Variants in DGLUCY observed in about 807,000 individuals in gnomAD.
DGLUCY encodes the protein D-glutamate cyclase.
DGLUCY carries 58 observed loss-of-function variants against 58.5 expected under a neutral mutation model. That is an observed-to-expected ratio of 0.99 (90% CI 0.80 to 1.23). The LOEUF (loss-of-function observed/expected upper bound fraction) is 1.23. DGLUCY is among the 50% of genes most tolerant of loss of function. The pLI is 0.00. For synonymous variants in DGLUCY, 325 were observed against 314.1 expected, an observed-to-expected ratio of 1.03 and a Z score of -0.37; for missense variants, 779 against 784.7, an observed-to-expected ratio of 0.99 and a Z score of 0.09.
chr14:91,153,434 C>T (rs111232115), intron 1 of DGLUCY, among the ~76,000 whole-genome samples: 3 of 152,196 alleles, frequency 2.0e-5, no homozygotes, highest in African/African-American at 7.2e-5. Context: ...CCGCCCACCT[C>T]GGCCTCTCAA....
intron 11 of DGLUCY, among the ~76,000 whole-genome samples, chr14:91,202,147 T>C (rs1242416738): frequency 6.6e-6 from 1 of 152,032 alleles, no homozygotes; most frequent in Non-Finnish European, 1.5e-5. Flanking sequence ...TTCATTGTAG[T>C]GTTTAAGCTT....
intron 1 of DGLUCY, among the ~76,000 whole-genome samples, chr14:91,097,847 C>T (rs989949211): frequency 3.9e-5 from 6 of 152,072 alleles, no homozygotes; most frequent in African/African-American, 1.4e-4. Flanking sequence ...CTAATTTTGC[C>T]TCCTCCTCCA....
chr14:91,077,367 GAGGAAGGAAGGAAAGGA>G (rs1566931965), intron 1 of DGLUCY, among the ~76,000 whole-genome samples: 18 of 148,906 alleles, frequency 1.2e-4, no homozygotes, highest in Non-Finnish European at 3.0e-5. Flanking sequence ...GGAAGGGAGG[GAGGAAGGAAGGAAAGGA>G]AGGAAGGAAG....
chr14:91,174,078 G>A (rs1022078956), intron 6 of DGLUCY, among the ~76,000 whole-genome samples: 3 of 151,960 alleles, frequency 2.0e-5, no homozygotes, highest in Admixed American at 2.0e-4. Context: ...AGGTCAAGCT[G>A]ATTACCCACG....
intron 1 of DGLUCY, among the ~76,000 whole-genome samples, chr14:91,119,098 G>A (rs888513663): frequency 1.4e-4 from 22 of 152,138 alleles, no homozygotes; most frequent in African/African-American, 5.3e-4. Flanking sequence ...TGCTCAAAAA[G>A]GGTAGAAGAT....
chr14:91,094,280 GA>G (rs1350670195), intron 1 of DGLUCY, among the ~76,000 whole-genome samples: 1 of 151,438 alleles, frequency 6.6e-6, no homozygotes, highest in Admixed American at 6.6e-5. Context: ...ACTAAAAATA[GA>G]AAAATTAGCC....
In DGLUCY at chr14:91,206,536, C is replaced by G. The variant is rs1266191723; in HGVS notation, c.1564+1711C>G. Among the ~76,000 whole-genome samples the G allele has an allele frequency of 3.9e-5, 6 of 152,110 alleles. 1 individual carries two copies. The highest frequency in any genetic ancestry group is 3.3e-4 in the Admixed American group (5 of 15,266). ...TAGCTGGAATTACAGGTGCGCACTA[C>G]CATGCCTGGATAATTTTTGTGTTTT... On this transcript the variant is annotated intron_variant, in intron 12 of 13. Coordinates refer to ENST00000256324, the MANE Select transcript of DGLUCY (RefSeq NM_001102368.3).
chr14:91,140,190 C>T (rs1316263198), intron 1 of DGLUCY, among the ~76,000 whole-genome samples: 2 of 152,126 alleles, frequency 1.3e-5, no homozygotes, highest in African/African-American at 4.8e-5. Flanking sequence ...TGTTGTTTCT[C>T]CTCTTCCCTT....
chr14:91,062,602 TATATATATAA>T (rs1436807982), intron 1 of DGLUCY, among the ~76,000 whole-genome samples: 1,045 of 34,076 alleles, frequency 0.031, 104 homozygotes, highest in South Asian at 0.048. Context: ...TATATATATA[TATATATATAA>T]ACAATCCTTA....
chr14:91,188,304 C>G (rs543557972), intron 8 of DGLUCY, among the ~76,000 whole-genome samples: 2 of 152,102 alleles, frequency 1.3e-5, no homozygotes, highest in African/African-American at 2.4e-5. Flanking sequence ...AGGTGGCATG[C>G]GTCACTTCCA....
chr14:91,066,947 G>A (rs957931460), intron 1 of DGLUCY, among the ~76,000 whole-genome samples: 5 of 151,852 alleles, frequency 3.3e-5, no homozygotes, highest in Non-Finnish European at 5.9e-5. Flanking sequence ...CGTGCATGGT[G>A]GCGGGCGCCA....
chr14:91,102,090 T>A (rs975743878), intron 1 of DGLUCY, among the ~76,000 whole-genome samples: 3 of 152,168 alleles, frequency 2.0e-5, no homozygotes, highest in Non-Finnish European at 4.4e-5. Context: ...TCAGTTACCT[T>A]GATTTGACTA....
intron 1 of DGLUCY, among the ~76,000 whole-genome samples, chr14:91,149,019 G>A (rs575960657): frequency 1.1e-4 from 17 of 152,098 alleles, no homozygotes; most frequent in South Asian, 2.1e-4. Context: ...AGGCCGAGGC[G>A]GGTGGATCAC....
At chr14:91,161,560 A>G (rs1227689774) in intron 3 of DGLUCY, among the ~76,000 whole-genome samples, 2 of 152,176 alleles carry the variant, frequency 1.3e-5, no homozygotes, top group African/African-American at 4.8e-5. Context: ...TTTCTTCTCC[A>G]TGAAGCCTCT....
rs370359775 is a variant in DGLUCY, at chr14:91,083,477, G to A, written c.-82+22773G>A. Among the ~76,000 whole-genome samples the A allele has an allele frequency of 4.6e-4, 68 of 149,342 alleles. 2 individuals are homozygous for A. Among genetic ancestry groups the A allele is most frequent in the Admixed American group, 4.3e-3 (64 of 14,878 alleles). On this transcript the variant is annotated intron_variant, in intron 1 of 4. Transcript: ENST00000521334. ...GCAGGGTTTGCAGTGAGCTGAGATC[G>A]TGCCACTCCACTCCAAGCCTGGGTG... is the stretch of plus-strand genomic sequence containing the variant.
At chr14:91,157,293 A>G (rs534280563) in intron 1 of DGLUCY, among the ~76,000 whole-genome samples, 3,950 of 126,982 alleles carry the variant, frequency 0.031, 81 homozygotes, top group Middle Eastern at 0.044. Flanking sequence ...GTGGGTGGAT[A>G]GATGGATGGA....
At chr14:91,142,601 A>G (rs1247242771) in intron 1 of DGLUCY, among the ~76,000 whole-genome samples, 1 of 152,106 alleles carries the variant, frequency 6.6e-6, no homozygotes, top group Non-Finnish European at 1.5e-5. Context: ...CTGAAGAGGT[A>G]TAACATTGCC....
rs142207910 is a variant in DGLUCY, at chr14:91,205,194, C to T, written c.1564+369C>T. Among the ~76,000 whole-genome samples, 1,508 of 152,292 alleles carry T rather than the reference C, an allele frequency of 9.9e-3. 20 individuals are homozygous for T. The highest frequency in any genetic ancestry group is 0.033 in the African/African-American group (1,386 of 41,560). The stretch of plus-strand genomic sequence containing the variant: ...AGAGAGGGTGATGGGAGGGCCCCTT[C>T]AGATCAGTGGTCAGGAAGGCTTTTC... On this transcript the variant is annotated intron_variant, in intron 12 of 13. Transcript: ENST00000256324.
intron 4 of DGLUCY, among the ~76,000 whole-genome samples, chr14:91,169,163 C>T (rs1043151028): frequency 6.6e-6 from 1 of 152,024 alleles, no homozygotes; most frequent in East Asian, 1.9e-4. Context: ...TTACTCTAGC[C>T]CCATCGCCCA....
Sources: allele counts gnomAD v4.1 joint callset (sites outside exome capture counted in the v4.1 genomes callset), GRCh38; gene constraint gnomAD v4.1.1; transcripts MANE v1.5; gene names NCBI Gene and HGNC (gene_info 2026-07-23, HGNC 2026-07-21).